The following UPP2 variants were observed in gnomAD, a reference collection of about 807,000 sequenced individuals.
UPP2 encodes the protein uridine phosphorylase 2, also known as UPase 2.
A neutral mutation model predicts 26.7 loss-of-function variants in UPP2; 23 were observed. The observed-to-expected ratio is 0.86, with a 90% confidence interval of 0.62 to 1.22. The LOEUF (loss-of-function observed/expected upper bound fraction) is 1.22. Ranked by LOEUF, UPP2 falls within the 50% of genes most tolerant of loss-of-function variation. The pLI is 0.00. For synonymous variants in UPP2, 127 were observed against 141.3 expected (o/e 0.90, Z 0.72); for missense variants, 387 against 396.7 (o/e 0.98, Z 0.21).
intron 2 of UPP2, among the ~76,000 whole-genome samples, chr2:158,000,615 C>A (rs1377567843): frequency 2.0e-5 from 3 of 152,202 alleles, no homozygotes; most frequent in Non-Finnish European, 4.4e-5. Context: ...ATGGTGGCTG[C>A]TATCATCATC....
intron 3 of UPP2, among the ~76,000 whole-genome samples, chr2:158,116,537 T>C (rs1046037049): frequency 6.6e-6 from 1 of 152,158 alleles, no homozygotes; most frequent in Admixed American, 6.5e-5. Context: ...AGGCAGGGGA[T>C]TGACAAATGT....
chr2:158,047,132 G>A (rs1684166895), intron 3 of UPP2, among the ~76,000 whole-genome samples: 1 of 152,166 alleles, frequency 6.6e-6, no homozygotes, highest in Non-Finnish European at 1.5e-5. Flanking sequence ...TGTATCTCAT[G>A]TTGCATTTGT....
chr2:158,121,762 T>TCA (rs1683573532), intron 5 of UPP2, 144 bp downstream of exon 5: 2 of 721,548 alleles, frequency 2.8e-6, no homozygotes, highest in Non-Finnish European at 4.6e-6. Context: ...CTTTTTTACT[T>TCA]ACTAAAGCAT....
chr2:158,063,851 G>A (rs545321008), intron 3 of UPP2, among the ~76,000 whole-genome samples: 1 of 152,154 alleles, frequency 6.6e-6, no homozygotes. Context: ...ATGGTGTTTG[G>A]TTTTCTGTTC....
intron 2 of UPP2, among the ~76,000 whole-genome samples, chr2:158,112,839 T>G (rs1390000561): frequency 6.6e-6 from 1 of 152,148 alleles, no homozygotes; most frequent in African/African-American, 2.4e-5. Flanking sequence ...TAAAGCTGAG[T>G]TTTTTTCTGG....
intron 2 of UPP2, among the ~76,000 whole-genome samples, chr2:158,000,122 G>A (rs1289759476): frequency 2.0e-5 from 3 of 151,326 alleles, no homozygotes; most frequent in Admixed American, 2.0e-4. Flanking sequence ...AGAGTGCAAT[G>A]GCGCGATCTC....
Position 158,126,997 on chromosome 2 carries a change from A to G in UPP2, c.811+3102A>G, listed in dbSNP as rs181636466. Among the ~76,000 whole-genome samples, 404 of 152,338 alleles carry G rather than the reference A, an allele frequency of 2.7e-3. 1 individual carries two copies. Among genetic ancestry groups the G allele is most frequent in the Non-Finnish European group, 2.3e-3 (156 of 68,036 alleles). ...TGGCTTATAAATACCAAATACTTAC[A>G]TAAACAAAGGTCTTCTAGAGAACCA... On this transcript the variant is annotated intron_variant, in intron 6 of 6. Coordinates refer to ENST00000005756, the MANE Select transcript of UPP2 (RefSeq NM_173355.4).
intron 3 of UPP2, among the ~76,000 whole-genome samples, chr2:158,029,042 T>C (rs1414563686): frequency 6.6e-6 from 1 of 152,216 alleles, no homozygotes; most frequent in Non-Finnish European, 1.5e-5. Flanking sequence ...GTCTATCTGT[T>C]CACTCGCCCC....
intron 3 of UPP2, among the ~76,000 whole-genome samples, chr2:158,047,319 G>A (rs1202668970): frequency 1.3e-5 from 2 of 152,184 alleles, no homozygotes; most frequent in South Asian, 4.1e-4. Flanking sequence ...ATGAGCACAG[G>A]CTGATTAGCT....
At position 158,134,706 on chromosome 2, in the gene UPP2, T is replaced by A. The variant is rs766260473; in HGVS notation, c.812-42T>A. 5.2e-6 allele frequency: 8 copies of A among 1,549,154 alleles called. No individual in the cohort carries two copies. The South Asian group carries it at 8.5e-5, about 16-fold the overall frequency. On this transcript the variant is annotated intron_variant, in intron 6 of 6. Transcript: ENST00000005756. ...TTGGCTAATGCTTCTATAGAAAAGA[T>A]GAACCCATTCATTCCATCAGTTGTG...
intron 4 of UPP2, among the ~76,000 whole-genome samples, chr2:158,119,031 T>C (rs944911824): frequency 4.7e-4 from 71 of 152,050 alleles, no homozygotes; most frequent in Non-Finnish European, 1.6e-4. Context: ...TCAGGCATCC[T>C]TCTAGATTGT....
At chr2:158,085,325 G>A (rs111257014) in intron 3 of UPP2, among the ~76,000 whole-genome samples, 1,793 of 152,194 alleles carry the variant, frequency 0.012, 41 homozygotes, top group African/African-American at 0.04. Context: ...GTATAGCAAA[G>A]CTACTGATTT....
chr2:158,128,777 C>T (rs1683744999), intron 6 of UPP2, among the ~76,000 whole-genome samples: 1 of 152,066 alleles, frequency 6.6e-6, no homozygotes, highest in South Asian at 2.1e-4. Context: ...GCAGATTTTT[C>T]CATTTTAAGT....
At chr2:158,039,787 G>A (rs1414762108) in intron 3 of UPP2, among the ~76,000 whole-genome samples, 2 of 152,176 alleles carry the variant, frequency 1.3e-5, no homozygotes, top group African/African-American at 4.8e-5. Context: ...AGCTTGAGAG[G>A]CACTAATCTA....
At chr2:158,058,224 T>C (rs1345448922) in intron 3 of UPP2, among the ~76,000 whole-genome samples, 9 of 144,952 alleles carry the variant, frequency 6.2e-5, no homozygotes, top group Non-Finnish European at 1.0e-4. Context: ...ACCCAGGAGG[T>C]GGAGCTTGCA....
At chr2:158,038,886 T>C (rs1435787746) in intron 3 of UPP2, among the ~76,000 whole-genome samples, 1 of 152,018 alleles carries the variant, frequency 6.6e-6, no homozygotes, top group East Asian at 1.9e-4. Context: ...ATGCAGAGAG[T>C]AGACAATAGG....
intron 3 of UPP2, among the ~76,000 whole-genome samples, chr2:158,067,644 T>A (rs953120083): frequency 1.2e-5 from 1 of 80,514 alleles, no homozygotes; most frequent in Non-Finnish European, 2.3e-5. Flanking sequence ...GATTCCAAGT[T>A]TTTACCATGC....
At chr2:158,066,626 G>A (rs1166833287) in intron 3 of UPP2, among the ~76,000 whole-genome samples, 2 of 84,374 alleles carry the variant, frequency 2.4e-5, no homozygotes, top group East Asian at 5.1e-4. Context: ...TTTAACCATT[G>A]ATTCTTTTTT....
intron 2 of UPP2, among the ~76,000 whole-genome samples, chr2:158,000,034 AAT>A (rs1284939062): frequency 6.6e-6 from 1 of 151,914 alleles, no homozygotes; most frequent in Non-Finnish European, 1.5e-5. Context: ...TAGAAAAGAT[AAT>A]ATGTTTTTCT....
Sources: gnomAD v4.1 joint callset for allele counts (sites outside exome capture counted in the v4.1 genomes callset) on GRCh38, gnomAD v4.1.1 for gene constraint, MANE v1.5 for transcripts, NCBI Gene and HGNC (gene_info 2026-07-23, HGNC 2026-07-21) for gene names.